TMEM132C: variants seen among roughly 807,000 people sequenced by gnomAD.
The protein encoded by TMEM132C is protein phosphatase 1, regulatory subunit 152.
A neutral mutation model predicts 61.4 loss-of-function variants in TMEM132C; 29 were observed. The ratio of observed to expected loss-of-function variants is 0.47; its 90% confidence interval spans 0.35 to 0.64. The LOEUF is 0.64. Among genes scored for constraint, TMEM132C ranks in the 30% least tolerant of loss-of-function variants. The pLI, the probability that TMEM132C is intolerant of heterozygous loss-of-function variation, is 0.00. For missense variants in TMEM132C, 1,408 were observed against 1,476.9 expected (o/e 0.95, Z 0.76); for synonymous variants, 656 against 633.1 (o/e 1.04, Z -0.54).
Position 128,697,219 on chromosome 12 carries a change from C to A in TMEM132C, c.1930-5C>A, listed in dbSNP as rs201683422. The stretch of plus-strand genomic sequence containing the variant: ...GATTTTCCTTGTGTCCTGCCAATCC[C>A]ACAGGTGTTGTCTCCACTGTCTGAC... On this transcript the variant is annotated splice_region_variant and splice_polypyrimidine_tract_variant and intron_variant, in intron 7 of 8. Transcript: ENST00000435159. 1.5e-4 allele frequency: 222 copies of A among 1,501,102 alleles called. No homozygotes were observed. The highest frequency in any genetic ancestry group is 2.5e-4 in the South Asian group (20 of 78,572). 93.0% of individuals were successfully genotyped at this position (1,501,102 alleles called of 1,614,324 possible).
chr12:128,426,152 C>T (rs375485933), intron 2 of TMEM132C, among the ~76,000 whole-genome samples: 70 of 152,326 alleles, frequency 4.6e-4, no homozygotes, highest in African/African-American at 1.3e-3. Flanking sequence ...ACCTTCGCCA[C>T]GTGGAGAATA....
At chr12:128,500,359 AT>A (rs1309627182) in intron 2 of TMEM132C, among the ~76,000 whole-genome samples, 4 of 152,346 alleles carry the variant, frequency 2.6e-5, no homozygotes, top group African/African-American at 9.6e-5. Flanking sequence ...TTTCATTAAA[AT>A]TTTTTTAATT....
intron 4 of TMEM132C, among the ~76,000 whole-genome samples, chr12:128,663,858 A>G (rs558865316): frequency 6.6e-6 from 1 of 151,550 alleles, no homozygotes; most frequent in South Asian, 2.1e-4. Context: ...GCACGCAGGC[A>G]CTCACACAGG....
At chr12:128,508,626 G>A (rs559734405) in intron 2 of TMEM132C, among the ~76,000 whole-genome samples, 8 of 152,282 alleles carry the variant, frequency 5.3e-5, no homozygotes, top group African/African-American at 9.6e-5. Flanking sequence ...CCGTGGCTCC[G>A]GATGCCACCA....
Position 128,616,221 on chromosome 12 carries a change from G to A in TMEM132C, c.1191G>A (p.Gly397=), listed in dbSNP as rs1280253855. Residue 397 remains glycine, a synonymous_variant, in exon 4 of 9, where the codon GGG becomes GGA. Coordinates refer to ENST00000435159, the MANE Select transcript of TMEM132C (RefSeq NM_001136103.3). ...TAGCCAGTTTCAGCAGCCTTTCAGG[G>A]ACTCAGCCCATCACGTGGCAGGTGG... ...FEIASFSSLS[G]TQPITWQVEY... The A allele has an allele frequency of 6.4e-7, 1 of 1,551,760 alleles. No individual in the cohort carries two copies. The highest frequency in any genetic ancestry group is 2.0e-5 in the Admixed American group (1 of 51,014).
chr12:128,268,862 G>A (rs1292158748), intron 1 of TMEM132C, among the ~76,000 whole-genome samples: 1 of 140,766 alleles, frequency 7.1e-6, no homozygotes, highest in East Asian at 2.3e-4. Flanking sequence ...AGAGCTCCAG[G>A]TAGGGAGGAG....
intron 1 of TMEM132C, among the ~76,000 whole-genome samples, chr12:128,413,316 A>AAAC (rs1232542060): frequency 2.0e-5 from 3 of 150,612 alleles, no homozygotes; most frequent in Non-Finnish European, 3.0e-5. Flanking sequence ...AAAAAAAAAA[A>AAAC]AAAAACCAAT....
chr12:128,599,393 GA>G (rs1432799937), intron 3 of TMEM132C, among the ~76,000 whole-genome samples: 1 of 152,212 alleles, frequency 6.6e-6, no homozygotes, highest in Non-Finnish European at 1.5e-5. Flanking sequence ...GGTACTGGGG[GA>G]CAGGACCTTC....
chr12:128,679,878 G>A (rs11831826), intron 5 of TMEM132C, among the ~76,000 whole-genome samples: 5,739 of 152,192 alleles, frequency 0.038, 323 homozygotes, highest in African/African-American at 0.13. Flanking sequence ...GGATTCACAG[G>A]GCTAGTTCAT....
intron 4 of TMEM132C, among the ~76,000 whole-genome samples, chr12:128,660,926 CAGAT>C (rs1954382412): frequency 6.6e-6 from 1 of 151,998 alleles, no homozygotes; most frequent in African/African-American, 2.4e-5. Context: ...GGTAGATAGA[CAGAT>C]AGACAGATAG....
chr12:128,647,276 T>C (rs1187471000), intron 4 of TMEM132C, among the ~76,000 whole-genome samples: 1 of 149,942 alleles, frequency 6.7e-6, no homozygotes, highest in Non-Finnish European at 1.5e-5. Context: ...GTGTTGGATG[T>C]GAGTGTGTTT....
chr12:128,635,321 T>C (rs1954094482), intron 4 of TMEM132C, among the ~76,000 whole-genome samples: 1 of 152,212 alleles, frequency 6.6e-6, no homozygotes. Context: ...CTAAAGATTC[T>C]TGAAAGTAAA....
intron 1 of TMEM132C, among the ~76,000 whole-genome samples, chr12:128,277,777 TG>T: frequency 6.6e-6 from 1 of 152,332 alleles, no homozygotes; most frequent in East Asian, 1.9e-4. Context: ...GCAGCCCACA[TG>T]GGAGGTCAGC....
intron 1 of TMEM132C, among the ~76,000 whole-genome samples, chr12:128,355,243 T>G (rs1427787929): frequency 6.6e-6 from 1 of 151,928 alleles, no homozygotes; most frequent in Non-Finnish European, 1.5e-5. Context: ...CAGGAATAGG[T>G]GAAGGGTCCC....
At chr12:128,322,932 A>G (rs1357247583) in intron 1 of TMEM132C, among the ~76,000 whole-genome samples, 2 of 152,164 alleles carry the variant, frequency 1.3e-5, no homozygotes, top group Non-Finnish European at 2.9e-5. Flanking sequence ...TTATTATGTA[A>G]AAGAAGGCAG....
chr12:128,698,022 G>A (rs966666433), intron 8 of TMEM132C, among the ~76,000 whole-genome samples: 7 of 152,078 alleles, frequency 4.6e-5, no homozygotes, highest in Admixed American at 2.6e-4. Context: ...GTCTGAATCC[G>A]CCCCATTTCT....
At chr12:128,704,774 A>T (rs1954824815) in intron 8 of TMEM132C, among the ~76,000 whole-genome samples, 1 of 152,178 alleles carries the variant, frequency 6.6e-6, no homozygotes, top group African/African-American at 2.4e-5. Flanking sequence ...GCACCGGCTG[A>T]CTGATTCAAG....
At chr12:128,484,324 G>A (rs1871414385) in intron 2 of TMEM132C, among the ~76,000 whole-genome samples, 1 of 152,164 alleles carries the variant, frequency 6.6e-6, no homozygotes, top group Non-Finnish European at 1.5e-5. Context: ...ACATGGGGGA[G>A]GAAGGGCCCC....
Position 128,622,363 on chromosome 12 carries a change from ATATATATATATATATATATAT to A in TMEM132C, c.1305+6029_1305+6049del, listed in dbSNP as rs1953975976. On this transcript the variant is annotated intron_variant, in intron 4 of 8. Transcript: ENST00000435159. ...TGTCTCAAAAAAAAAAAAAAAAAAT[ATATATATATATATATATATAT>A]ATATATATATATATATAACCAGGAA... Among the ~76,000 whole-genome samples, 10 of 56,744 alleles carry A rather than the reference ATATATATATATATATATATAT, an allele frequency of 1.8e-4. 1 individual carries two copies. The highest frequency in any genetic ancestry group is 5.8e-4 in the South Asian group (1 of 1,726). The allele number at this position is 56,744 out of a possible 152,430, so 37.2% of individuals were successfully genotyped here. A position where few individuals can be genotyped will look rare whatever the true frequency, so the allele number is the denominator to read the frequency against.
Sources: gnomAD v4.1 joint callset for allele counts (sites outside exome capture counted in the v4.1 genomes callset) on GRCh38, gnomAD v4.1.1 for gene constraint, MANE v1.5 for transcripts, NCBI Gene and HGNC (gene_info 2026-07-23, HGNC 2026-07-21) for gene names.